PRKG1: variants seen among roughly 807,000 people sequenced by gnomAD.
PRKG1 encodes cGMP-dependent protein kinase 1.
Under a neutral mutation model 88.1 loss-of-function variants are expected in PRKG1, and 35 were observed. That is an observed-to-expected ratio of 0.40 (90% confidence interval 0.30 to 0.53). The LOEUF is 0.53. Among genes scored for constraint, PRKG1 ranks in the 20% least tolerant of loss-of-function variants. The probability of loss-of-function intolerance (pLI) is 0.59; values close to 1 mark genes in which losing one functional copy is unlikely to be tolerated. For missense variants in PRKG1, 540 were observed against 839.8 expected (o/e 0.64, Z 4.41); for synonymous variants, 303 against 292.5 (o/e 1.04, Z -0.37).
chr10:51,508,971 A>G (rs917553085), intron 3 of PRKG1, among the ~76,000 whole-genome samples: 1 of 152,224 alleles, frequency 6.6e-6, no homozygotes, highest in Admixed American at 6.5e-5. Flanking sequence ...TCTAAAGGGC[A>G]TTTCAGATTT....
At chr10:51,951,604 T>C (rs1371038440) in intron 5 of PRKG1, among the ~76,000 whole-genome samples, 1 of 152,190 alleles carries the variant, frequency 6.6e-6, no homozygotes, top group Non-Finnish European at 1.5e-5. Context: ...CACAGAATTT[T>C]TAGAAGAATA....
chr10:52,278,950 A>T (rs1293739321), intron 12 of PRKG1, among the ~76,000 whole-genome samples: 4 of 151,764 alleles, frequency 2.6e-5, no homozygotes, highest in African/African-American at 7.3e-5. Context: ...ATAAAATAAG[A>T]CCATTCCCTT....
chr10:51,179,272 A>G (rs1343822892), intron 2 of PRKG1, among the ~76,000 whole-genome samples: 1 of 152,234 alleles, frequency 6.6e-6, no homozygotes, highest in African/African-American at 2.4e-5. Flanking sequence ...AAGACTAGTC[A>G]AGAAGACATC....
intron 3 of PRKG1, among the ~76,000 whole-genome samples, chr10:51,699,956 G>A (rs927635351): frequency 6.6e-6 from 1 of 152,246 alleles, no homozygotes; most frequent in African/African-American, 2.4e-5. Context: ...TCCGCTGGCG[G>A]GAAACCGCCA....
chr10:51,166,046 T>A (rs1276667276), intron 2 of PRKG1, among the ~76,000 whole-genome samples: 1 of 152,100 alleles, frequency 6.6e-6, no homozygotes, highest in East Asian at 1.9e-4. Flanking sequence ...TATATTCGGA[T>A]CATGCAGATC....
At chr10:52,089,681 T>TA (rs2133320061) in intron 7 of PRKG1, among the ~76,000 whole-genome samples, 1 of 152,218 alleles carries the variant, frequency 6.6e-6, no homozygotes, top group Non-Finnish European at 1.5e-5. Flanking sequence ...AGTTCAGATA[T>TA]ATTTATATAC....
chr10:52,191,973 A>G (rs1012479091), intron 9 of PRKG1, among the ~76,000 whole-genome samples: 3 of 152,200 alleles, frequency 2.0e-5, no homozygotes, highest in African/African-American at 7.2e-5. Context: ...ATTCAAGACA[A>G]GCATGATAAA....
At chr10:51,716,836 G>T (rs1438073971) in intron 3 of PRKG1, among the ~76,000 whole-genome samples, 1 of 152,068 alleles carries the variant, frequency 6.6e-6, no homozygotes, top group African/African-American at 2.4e-5. Flanking sequence ...GGGATTATAG[G>T]TGCAGGCCAC....
At chr10:51,523,135 A>G (rs2026559) in intron 3 of PRKG1, among the ~76,000 whole-genome samples, 43,013 of 151,966 alleles carry the variant, frequency 0.28, 7,137 homozygotes, top group East Asian at 0.8. Context: ...GCAGTTGCTT[A>G]GATGTCTTTA....
At chr10:51,111,505 A>G (rs1033815108) in intron 1 of PRKG1, among the ~76,000 whole-genome samples, 3 of 152,032 alleles carry the variant, frequency 2.0e-5, no homozygotes, top group African/African-American at 7.2e-5. Flanking sequence ...TTAGGCAGGG[A>G]GACAAGGTAG....
rs1197613974 is a variant in PRKG1 at position 51,609,659 on chromosome 10, TA to T, written c.592+141828del. Among the ~76,000 whole-genome samples, 5 of 152,014 alleles carry T rather than the reference TA, an allele frequency of 3.3e-5. No homozygotes were observed. The East Asian group carries it at 9.6e-4, about 29-fold the overall frequency. ...TATACCATGGATTACTATGCAGCCA[TA>T]AAAAGGAATGAGGTCATGTTCTTTG... On this transcript the variant is annotated intron_variant, in intron 3 of 17. Transcript: ENST00000373980.
chr10:51,543,648 A>T (rs1842370208), intron 3 of PRKG1, among the ~76,000 whole-genome samples: 1 of 152,222 alleles, frequency 6.6e-6, no homozygotes, highest in South Asian at 2.1e-4. Flanking sequence ...TTACCATTTG[A>T]GGTCTCAGTG....
At chr10:51,207,128 C>T (rs1838083073) in intron 2 of PRKG1, among the ~76,000 whole-genome samples, 1 of 152,122 alleles carries the variant, frequency 6.6e-6, no homozygotes, top group African/African-American at 2.4e-5. Flanking sequence ...CTGAAGTTGA[C>T]AAGTCAGGCT....
chr10:52,192,630 G>A (rs1336888955), intron 9 of PRKG1, among the ~76,000 whole-genome samples: 1 of 151,874 alleles, frequency 6.6e-6, no homozygotes, highest in Non-Finnish European at 1.5e-5. Flanking sequence ...AGGAAGTCAA[G>A]GATAAGAACT....
At chr10:52,216,666 C>A (rs551972190) in intron 9 of PRKG1, among the ~76,000 whole-genome samples, 1 of 152,146 alleles carries the variant, frequency 6.6e-6, no homozygotes, top group Admixed American at 6.5e-5. Context: ...ATTTCTGATG[C>A]CATTTCTTGC....
At chr10:51,966,715 G>A (rs1159235047) in intron 5 of PRKG1, among the ~76,000 whole-genome samples, 1 of 152,154 alleles carries the variant, frequency 6.6e-6, no homozygotes, top group Non-Finnish European at 1.5e-5. Context: ...GTGCAAAAGA[G>A]TCACCTATGC....
chr10:51,464,240 A>T (rs1217007723), intron 2 of PRKG1, among the ~76,000 whole-genome samples: 2 of 151,986 alleles, frequency 1.3e-5, no homozygotes, highest in Admixed American at 1.3e-4. Flanking sequence ...GTGAGCCAAG[A>T]TGACACCACT....
At chr10:52,174,361 A>G (rs1838797218) in intron 9 of PRKG1, among the ~76,000 whole-genome samples, 2 of 151,934 alleles carry the variant, frequency 1.3e-5, no homozygotes, top group African/African-American at 4.8e-5. Flanking sequence ...CAGCTAGGAG[A>G]GTATATCAGC....
At chr10:51,069,705 G>T (rs1450179775), upstream of PRKG1, among the ~76,000 whole-genome samples, 1 of 151,890 alleles carries the variant, frequency 6.6e-6, no homozygotes, top group Non-Finnish European at 1.5e-5. Context: ...GATCTTCCTT[G>T]GTTTTACTTT....
Sources: allele counts gnomAD v4.1 joint callset (sites outside exome capture counted in the v4.1 genomes callset), GRCh38; gene constraint gnomAD v4.1.1; transcripts MANE v1.5; gene names NCBI Gene and HGNC (gene_info 2026-07-23, HGNC 2026-07-21).